Variants in DTNBP1 observed in about 807,000 individuals in gnomAD.
DTNBP1 encodes dystrobrevin binding protein 1.
DTNBP1 carries 35 observed loss-of-function variants against 42.8 expected under a neutral mutation model. The ratio of observed to expected loss-of-function variants is 0.82; its 90% CI spans 0.63 to 1.09. DTNBP1 has a LOEUF of 1.09. Ranked by LOEUF, DTNBP1 falls within the 50% of genes least tolerant of loss-of-function variation. The probability of loss-of-function intolerance (pLI) is 0.00; values close to 1 mark genes in which losing one functional copy is unlikely to be tolerated. For missense variants in DTNBP1, 457 were observed against 424.2 expected (o/e 1.08, Z -0.68); for synonymous variants, 171 against 162.2 (o/e 1.05, Z -0.41).
At chr6:15,529,800 G>A (rs984626439) in intron 8 of DTNBP1, among the ~76,000 whole-genome samples, 6 of 152,278 alleles carry the variant, frequency 3.9e-5, no homozygotes, top group Admixed American at 2.0e-4. Flanking sequence ...GAAAATGGCA[G>A]TCATGTCAGG....
intron 8 of DTNBP1, among the ~76,000 whole-genome samples, chr6:15,525,351 C>T (rs927241026): frequency 7.7e-4 from 117 of 152,346 alleles, no homozygotes; most frequent in African/African-American, 2.7e-3. Context: ...CCACAAGCCA[C>T]GTAAGTTATC....
At chr6:15,612,272 A>G (rs1477786988) in intron 6 of DTNBP1, among the ~76,000 whole-genome samples, 2 of 152,224 alleles carry the variant, frequency 1.3e-5, no homozygotes, top group African/African-American at 2.4e-5. Context: ...TAAGGTATGT[A>G]CATTGTGCTT....
At position 15,524,092 on chromosome 6, in the gene DTNBP1, G is replaced by C. The variant is rs754289746; in HGVS notation, c.811+434C>G. Reference sequence around the variant, plus strand: ...ACTAAGTTTACAACACAGGCCAAGAGCTGAACACACACCATGGCTTTGCCC... The same window carrying C: ...ACTAAGTTTACAACACAGGCCAAGACCTGAACACACACCATGGCTTTGCCC... On this transcript the variant is annotated intron_variant, in intron 9 of 9. Coordinates refer to ENST00000344537, the MANE Select transcript of DTNBP1 (RefSeq NM_032122.5). 4.5e-6 allele frequency: 6 copies of C among 1,328,124 alleles called. No homozygotes were observed. The East Asian group carries it at 1.9e-4, about 42-fold the overall frequency. 82.3% of individuals were successfully genotyped at this position (1,328,124 alleles called of 1,614,324 possible).
At chr6:15,575,919 A>T (rs190339939) in intron 7 of DTNBP1, among the ~76,000 whole-genome samples, 2 of 152,288 alleles carry the variant, frequency 1.3e-5, no homozygotes, top group African/African-American at 4.8e-5. Flanking sequence ...CTGATGCAAG[A>T]TGTTGCGCTA....
intron 1 of DTNBP1, among the ~76,000 whole-genome samples, chr6:15,652,528 A>G (rs1048175180): frequency 6.6e-6 from 1 of 151,040 alleles, no homozygotes; most frequent in Non-Finnish European, 1.5e-5. Context: ...ATTTTAGGTC[A>G]GATAAGCTAC....
intron 8 of DTNBP1, among the ~76,000 whole-genome samples, chr6:15,528,422 T>C (rs1376292081): frequency 6.6e-6 from 1 of 152,088 alleles, no homozygotes; most frequent in Non-Finnish European, 1.5e-5. Context: ...TCTCCAGACA[T>C]TGCCAAATGT....
intron 8 of DTNBP1, among the ~76,000 whole-genome samples, chr6:15,528,086 T>C (rs1772539532): frequency 1.3e-5 from 2 of 152,160 alleles, no homozygotes; most frequent in African/African-American, 4.8e-5. Flanking sequence ...CTTACTGCAA[T>C]TCCGCTCAAA....
At position 15,643,468 on chromosome 6, in the gene DTNBP1, T is replaced by C. The variant is rs1191761242; in HGVS notation, c.162-5664A>G. On this transcript the variant is annotated intron_variant, in intron 3 of 9. Transcript: ENST00000344537. The stretch of plus-strand genomic sequence containing the variant: ...GACTCCTGAGAGATACCATATAAGA[T>C]GACATCCCCGAGACAAACAGTCATC... Among the ~76,000 whole-genome samples, 3 of 151,974 alleles carry C rather than the reference T, an allele frequency of 2.0e-5. No individual in the cohort carries two copies. The East Asian group carries it at 5.8e-4, about 29-fold the overall frequency.
intron 5 of DTNBP1, among the ~76,000 whole-genome samples, chr6:15,622,719 C>A (rs773010858): frequency 4.6e-5 from 7 of 152,118 alleles, no homozygotes; most frequent in Non-Finnish European, 8.8e-5. Flanking sequence ...TTGTGAAAAG[C>A]CATTTGGGAA....
intron 3 of DTNBP1, among the ~76,000 whole-genome samples, 179 bp from the exon 4 acceptor site, chr6:15,637,983 A>G (rs1259862759): frequency 6.6e-6 from 1 of 152,230 alleles, no homozygotes; most frequent in Admixed American, 6.5e-5. Flanking sequence ...AATCTGTGAC[A>G]ATTTGAGCAA....
At chr6:15,523,754 T>C in intron 9 of DTNBP1, 4 of 1,287,242 alleles carry the variant, frequency 3.1e-6, no homozygotes, top group Non-Finnish European at 4.0e-6. Context: ...TGGTCTCCAG[T>C]ATTCTGGCCT....
intron 7 of DTNBP1, among the ~76,000 whole-genome samples, chr6:15,567,209 C>G (rs1313987000): frequency 6.6e-6 from 1 of 151,854 alleles, no homozygotes; most frequent in Non-Finnish European, 1.5e-5. Context: ...AATCTCAACA[C>G]TTTGGGAGGC....
chr6:15,606,370 C>G (rs1395412103), intron 6 of DTNBP1, among the ~76,000 whole-genome samples: 1 of 152,208 alleles, frequency 6.6e-6, no homozygotes, highest in Non-Finnish European at 1.5e-5. Context: ...GGGACTCAAT[C>G]AGTTTGTTCC....
chr6:15,568,414 TA>T (rs1402557478), intron 7 of DTNBP1, among the ~76,000 whole-genome samples: 2 of 152,242 alleles, frequency 1.3e-5, no homozygotes, highest in African/African-American at 2.4e-5. Flanking sequence ...TTATATTAAA[TA>T]AATGTGTGTG....
At chr6:15,582,650 CTTTTA>C (rs1040581362) in intron 7 of DTNBP1, among the ~76,000 whole-genome samples, 6 of 152,080 alleles carry the variant, frequency 3.9e-5, no homozygotes, top group Non-Finnish European at 8.8e-5. Flanking sequence ...ATTACATATA[CTTTTA>C]TTTTCAGTTA....
chr6:15,605,161 T>C (rs1016913918), intron 6 of DTNBP1, among the ~76,000 whole-genome samples: 2 of 152,186 alleles, frequency 1.3e-5, no homozygotes, highest in African/African-American at 4.8e-5. Flanking sequence ...ATCTAGAAAC[T>C]TGGAAATAAG....
rs1178373585 is a variant in DTNBP1, at chr6:15,635,776, A to G, written c.222+1968T>C. Among the ~76,000 whole-genome samples the G allele has an allele frequency of 2.6e-5, 4 of 152,066 alleles. No individual in the cohort carries two copies. The East Asian group carries it at 7.8e-4, about 29-fold the overall frequency. On this transcript the variant is annotated intron_variant, in intron 4 of 9. Coordinates refer to ENST00000344537, the MANE Select transcript of DTNBP1 (RefSeq NM_032122.5). ...ACTCTTTGACTCTCTCTTGTACCTC[A>G]CTATTTCTTCAGCTGCCTCAAATTG...
intron 5 of DTNBP1, among the ~76,000 whole-genome samples, chr6:15,616,441 A>AG (rs1458267144): frequency 6.6e-6 from 1 of 152,204 alleles, no homozygotes; most frequent in Non-Finnish European, 1.5e-5. Context: ...AGAGCATGAC[A>AG]GAGTAAGGCA....
At position 15,524,596 on chromosome 6, in the gene DTNBP1, C is replaced by G. The variant is rs886061224; in HGVS notation, c.741G>C (p.Ser247=). The change falls in exon 9 of 10, where the codon TCG becomes TCC. Residue 247 remains serine (S), a synonymous_variant. Coordinates refer to ENST00000344537, the MANE Select transcript of DTNBP1 (RefSeq NM_032122.5). Reference sequence around the variant, plus strand: ...GGAAGACGTCCAGGGCCTCCTGGTCCGATATGTCCATCAGGTCCATCTGCT... The same window carrying G: ...GGAAGACGTCCAGGGCCTCCTGGTCGGATATGTCCATCAGGTCCATCTGCT... ...MLEQMDLMDI[S]DQEALDVFLN... is the part of the protein sequence containing the mutation. 2 of 1,613,506 alleles carry G rather than the reference C, an allele frequency of 1.2e-6. No homozygotes were observed. The highest frequency in any genetic ancestry group is 1.7e-6 in the Non-Finnish European group (2 of 1,179,730).
Sources: allele counts gnomAD v4.1 joint callset (sites outside exome capture counted in the v4.1 genomes callset), GRCh38; gene constraint gnomAD v4.1.1; transcripts MANE v1.5; gene names NCBI Gene and HGNC (gene_info 2026-07-23, HGNC 2026-07-21).